Variants in OPRM1 observed in about 807,000 individuals in gnomAD.
OPRM1 encodes the protein opioid receptor mu 1, also known as mu-type opioid receptor.
Under a neutral mutation model 31.8 loss-of-function variants are expected in OPRM1, and 27 were observed. The ratio of observed to expected loss-of-function variants is 0.85; its 90% CI spans 0.63 to 1.17. The LOEUF is 1.17. Among genes scored for constraint, OPRM1 ranks in the 50% most tolerant of loss-of-function variants. OPRM1 has a pLI of 0.00. For missense variants in OPRM1, 536 were observed against 511.1 expected, an observed-to-expected ratio of 1.05 and a Z score of -0.47; for synonymous variants, 196 against 189.9, an observed-to-expected ratio of 1.03 and a Z score of -0.26.
chr6:154,030,911 TA>T (rs1232754009), intron 1 of OPRM1, among the ~76,000 whole-genome samples: 2 of 149,708 alleles, frequency 1.3e-5, no homozygotes, highest in African/African-American at 4.9e-5. Flanking sequence ...ACAGAACAGA[TA>T]AATACAAAGA....
chr6:154,138,975 G>T (rs146983326), intron 3 of OPRM1, among the ~76,000 whole-genome samples: 1 of 152,246 alleles, frequency 6.6e-6, no homozygotes, highest in East Asian at 1.9e-4. Context: ...CTGACTCAGC[G>T]CAAGAAGACT....
intron 1 of OPRM1, chr6:154,046,798 C>G (rs1781202096): frequency 6.6e-6 from 1 of 152,202 alleles, no homozygotes; most frequent in Non-Finnish European, 1.5e-5. Flanking sequence ...GCGCCTCACT[C>G]TCCTTATCTG....
chr6:154,095,170 A>T (rs1376543857), intron 3 of OPRM1, among the ~76,000 whole-genome samples: 2 of 152,216 alleles, frequency 1.3e-5, no homozygotes, highest in African/African-American at 4.8e-5. Context: ...ACATACCTGT[A>T]ATTCCAGCTA....
At position 154,031,506 on chromosome 6, in the gene OPRM1, G is replaced by A. The variant is rs962347302; in HGVS notation, c.1-7655G>A. Among the ~76,000 whole-genome samples, 33 of 152,142 alleles carry A rather than the reference G, an allele frequency of 2.2e-4. 1 individual carries two copies. The highest frequency in any genetic ancestry group is 1.2e-3 in the Admixed American group (18 of 15,284). ...TCCTAGCACTTTGAGAGACCGAGGC[G>A]GGCAGATCTTTTGAGGTCAGGAGTT... On this transcript the variant is annotated intron_variant, in intron 1 of 5. Coordinates refer to the OPRM1 transcript ENST00000434900.
intron 3 of OPRM1, among the ~76,000 whole-genome samples, chr6:154,184,515 A>G (rs1301247890): frequency 6.6e-6 from 1 of 152,106 alleles, no homozygotes; most frequent in Non-Finnish European, 1.5e-5. Context: ...CCAATGGTAT[A>G]TGTGTGTACA....
At chr6:154,039,060 T>G, upstream of OPRM1, 1 of 1,366,406 alleles carries the variant, frequency 7.3e-7, no homozygotes, top group Non-Finnish European at 9.8e-7. Flanking sequence ...AAAAAGGCGC[T>G]GGAAAATTGA....
intron 3 of OPRM1, among the ~76,000 whole-genome samples, chr6:154,197,217 C>A (rs570704345): frequency 4.1e-4 from 63 of 152,176 alleles, no homozygotes; most frequent in African/African-American, 1.5e-3. Context: ...AAAAACAATA[C>A]CTTTTAAAAG....
intron 3 of OPRM1, chr6:154,246,665 A>G: frequency 6.2e-7 from 1 of 1,614,066 alleles, no homozygotes; most frequent in Non-Finnish European, 8.5e-7. Context: ...TTGCTTAGGA[A>G]ACTTCCCTTT....
intron 3 of OPRM1, among the ~76,000 whole-genome samples, chr6:154,161,683 A>T (rs189818782): frequency 6.6e-6 from 1 of 152,312 alleles, no homozygotes; most frequent in African/African-American, 2.4e-5. Context: ...TTTACGGGTA[A>T]GTCATGGCCC....
intron 3 of OPRM1, among the ~76,000 whole-genome samples, chr6:154,208,216 C>CT (rs34058499): frequency 0.54 from 81,642 of 151,842 alleles, 22,646 homozygotes; most frequent in East Asian, 0.69. Flanking sequence ...TCATTTCCTA[C>CT]TACTCTCATC....
intron 3 of OPRM1, chr6:154,093,203 T>C: frequency 7.1e-7 from 1 of 1,412,770 alleles, no homozygotes; most frequent in Non-Finnish European, 9.7e-7. Context: ...TATTTTGCTT[T>C]GAAGTAAAAT....
chr6:154,226,989 G>A lies in OPRM1; in HGVS notation c.1165-19704G>A, dbSNP rs557616415. On this transcript the variant is annotated intron_variant, in intron 3 of 3. Transcript: ENST00000337049. The stretch of plus-strand genomic sequence containing the variant: ...AGGTGGGCGGATCACCTGAGGTTAG[G>A]AGTTTGAGACTAGCCTGGCCAACAT... 3.3e-5 allele frequency among the ~76,000 whole-genome samples: 5 copies of A among 152,120 alleles called. No homozygotes were observed. The East Asian group carries it at 9.7e-4, about 30-fold the overall frequency.
intron 1 of OPRM1, among the ~76,000 whole-genome samples, chr6:154,022,824 T>C (rs975538831): frequency 5.9e-5 from 9 of 152,180 alleles, no homozygotes; most frequent in Admixed American, 2.0e-4. Flanking sequence ...TCCCAATGTA[T>C]GTTCTTGACA....
Position 154,152,814 on chromosome 6 carries a change from C to G in OPRM1, c.1164+61342C>G, listed in dbSNP as rs567182519. Among the ~76,000 whole-genome samples, 4 of 152,222 alleles carry G rather than the reference C, an allele frequency of 2.6e-5. No individual in the cohort carries two copies. In the East Asian group the frequency reaches 5.8e-4, roughly 22 times the overall value. The stretch of plus-strand genomic sequence containing the variant: ...ACCTGATTATAGCTCACTGTAGCCC[C>G]GAACTCCTGGGCTCAAAGGATACTC... On this transcript the variant is annotated intron_variant, in intron 3 of 3. Transcript: ENST00000337049.
chr6:154,237,752 G>T (rs1434237353), intron 3 of OPRM1, among the ~76,000 whole-genome samples: 1 of 152,042 alleles, frequency 6.6e-6, no homozygotes, highest in Non-Finnish European at 1.5e-5. Flanking sequence ...CCACCTTACT[G>T]CTGGCTTGCT....
intron 3 of OPRM1, among the ~76,000 whole-genome samples, chr6:154,193,748 AAGG>A (rs1263090747): frequency 6.6e-6 from 1 of 152,236 alleles, no homozygotes; most frequent in African/African-American, 2.4e-5. Flanking sequence ...CCAGACAGAC[AAGG>A]AGGAGAGGCC....
chr6:154,083,554 C>CA (rs1789661464), intron 1 of OPRM1: 1 of 152,270 alleles, frequency 6.6e-6, no homozygotes, highest in South Asian at 2.1e-4. Flanking sequence ...CATGGTTTGT[C>CA]ATCGGGGGAC....
At chr6:154,243,557 G>A (rs1221445738) in intron 3 of OPRM1, among the ~76,000 whole-genome samples, 4 of 152,318 alleles carry the variant, frequency 2.6e-5, no homozygotes, top group South Asian at 2.1e-4. Context: ...AGGCAATGAC[G>A]GAGAGAGAAA....
intron 1 of OPRM1, among the ~76,000 whole-genome samples, chr6:154,011,197 T>C (rs1463347331): frequency 1.3e-5 from 2 of 152,108 alleles, no homozygotes; most frequent in African/African-American, 4.8e-5. Context: ...AACAATTTTG[T>C]GGGTTAAATG....
Sources: allele counts gnomAD v4.1 joint callset (sites outside exome capture counted in the v4.1 genomes callset), GRCh38; gene constraint gnomAD v4.1.1; transcripts MANE v1.5; gene names NCBI Gene and HGNC (gene_info 2026-07-23, HGNC 2026-07-21).